The following ZNF343 variants were observed in gnomAD, a reference collection of about 807,000 sequenced individuals.
The protein encoded by ZNF343 is zinc finger protein 343.
A neutral mutation model predicts 13.8 loss-of-function variants in ZNF343; 11 were observed. The observed-to-expected ratio is 0.80, with a 90% confidence interval of 0.50 to 1.32. ZNF343 has a LOEUF of 1.32. Among genes scored for constraint, ZNF343 ranks in the 40% most tolerant of loss-of-function variants. ZNF343 has a pLI of 0.00. For missense variants in ZNF343, 658 were observed against 714.2 expected (o/e 0.92, Z 0.90); for synonymous variants, 248 against 260.0 (o/e 0.95, Z 0.44).
In ZNF343 at chr20:2,493,568, G is replaced by A; in HGVS notation, c.128C>T (p.Ser43Phe). 1 of 1,613,358 alleles carries A rather than the reference G, an allele frequency of 6.2e-7. No individual in the cohort carries two copies. ...TTTCTGGGGGCAGTCAGTATCATTA[G>A]AAGGCAAGCCTAGGGAAAGAAAAAG... ...TQNHKAKGLP[S>F]NDTDCPQKKE... Residue 43 changes from serine (S) to phenylalanine (F), a missense_variant, in exon 4 of 6, where the codon TCT becomes TTT. Coordinates refer to ENST00000278772, the MANE Select transcript of ZNF343 (RefSeq NM_024325.6).
Position 2,484,116 on chromosome 20 carries a change from G to A in ZNF343, c.845C>T (p.Ser282Leu). ...SDCGRSFKDRSTLIRHHRIHS... is the reference protein window; with the variant it reads ...SDCGRSFKDRLTLIRHHRIHS... ...TATACGATGGTGTCTGATGAGGGTT[G>A]ATCTATCTTTAAAGCTTCGCCCACA... is the stretch of plus-strand genomic sequence containing the variant. The change falls in exon 6 of 6, where the codon TCA becomes TTA. Residue 282 changes from serine to leucine, a missense_variant. Transcript: ENST00000278772. The A allele has an allele frequency of 6.2e-7, 1 of 1,614,250 alleles. No homozygotes were observed. Among genetic ancestry groups the A allele is most frequent in the Non-Finnish European group, 8.5e-7 (1 of 1,180,048 alleles).
chr20:2,515,685 A>G (rs1461467932), intron 1 of ZNF343, among the ~76,000 whole-genome samples: 1 of 152,206 alleles, frequency 6.6e-6, no homozygotes, highest in Admixed American at 6.5e-5. Flanking sequence ...AGTAGTTCTT[A>G]CTAGTTATAT....
Position 2,492,694 on chromosome 20 carries a change from C to G in ZNF343, c.304+5G>C, listed in dbSNP as rs1481287142. On this transcript the variant is annotated splice_donor_5th_base_variant and intron_variant, in intron 5 of 5. Coordinates refer to ENST00000278772, the MANE Select transcript of ZNF343 (RefSeq NM_024325.6). ...AATGAAGGAAAGGAAAGAACACAGCCTTACCCAATGAGAGAAGATTCCTGT... is the reference window on the plus strand; with the variant it reads ...AATGAAGGAAAGGAAAGAACACAGCGTTACCCAATGAGAGAAGATTCCTGT... The G allele has an allele frequency of 1.9e-6, 3 of 1,610,794 alleles. No individual in the cohort carries two copies. The highest frequency in any genetic ancestry group is 2.5e-6 in the Non-Finnish European group (3 of 1,179,102).
chr20:2,511,698 A>T (rs759188201), upstream of ZNF343, among the ~76,000 whole-genome samples: 3 of 152,280 alleles, frequency 2.0e-5, no homozygotes, highest in Non-Finnish European at 4.4e-5. Context: ...AATTAGGAAA[A>T]TTTTGCAATG....
rs758061259 is a variant in ZNF343, at chr20:2,484,009, T to G, written c.952A>C (p.Thr318Pro). 1.5e-5 allele frequency: 24 copies of G among 1,614,040 alleles called. No homozygotes were observed. The highest frequency in any genetic ancestry group is 1.8e-5 in the Non-Finnish European group (21 of 1,180,034). ...QKSNLSRHQR[T>P]HSEEKPYLCR... ...AAATAAGGCTTCTCTTCTGAATGTG[T>G]TCTCTGGTGTCTGCTGAGGTTGGAC... Residue 318 changes from threonine to proline, a missense_variant, in exon 6 of 6, where the codon ACA (threonine) becomes CCA (proline). Coordinates refer to ENST00000278772, the MANE Select transcript of ZNF343 (RefSeq NM_024325.6).
chr20:2,490,536 G>GGTT lies in ZNF343; in HGVS notation c.304+2160_304+2162dup, dbSNP rs1555762775. On this transcript the variant is annotated intron_variant, in intron 5 of 5. Coordinates refer to ENST00000278772, the MANE Select transcript of ZNF343 (RefSeq NM_024325.6). The stretch of plus-strand genomic sequence containing the variant: ...TTGCTGTTTTATGGGTCTTTTTTTT[G>GGTT]GTTTTTGTTTTTTTTTTTGAGATGG... Among the ~76,000 whole-genome samples the GGTT allele has an allele frequency of 9.1e-4, 132 of 144,626 alleles. 3 individuals carry two copies. The highest frequency in any genetic ancestry group is 3.2e-3 in the African/African-American group (122 of 37,558). 94.9% of individuals were successfully genotyped at this position (144,626 alleles called of 152,430 possible). A position where few individuals can be genotyped will look rare whatever the true frequency, so the allele number is the denominator to read the frequency against.
chr20:2,495,491 A>C (rs538467969), intron 2 of ZNF343: 4 of 152,164 alleles, frequency 2.6e-5, no homozygotes, highest in Non-Finnish European at 5.9e-5. Flanking sequence ...TTTTGTTCTG[A>C]GAACAGCATG....
chr20:2,509,126 A>AC (rs1283635540), upstream of ZNF343: 2 of 152,210 alleles, frequency 1.3e-5, no homozygotes, highest in African/African-American at 4.8e-5. Flanking sequence ...TGCAAAAAAA[A>AC]GACTACACTC....
chr20:2,521,862 A>C (rs1417525425), intron 1 of ZNF343, among the ~76,000 whole-genome samples: 1 of 152,222 alleles, frequency 6.6e-6, no homozygotes, highest in Admixed American at 6.5e-5. Flanking sequence ...ATTTCTCAAA[A>C]GCGGCCTTTA....
chr20:2,522,815 G>A (rs2085788221), intron 1 of ZNF343, among the ~76,000 whole-genome samples: 1 of 152,224 alleles, frequency 6.6e-6, no homozygotes, highest in Admixed American at 6.5e-5. Context: ...GCCAGGTGTA[G>A]TAGCTTGTGC....
At chr20:2,522,196 C>T (rs2085785435) in intron 1 of ZNF343, among the ~76,000 whole-genome samples, 1 of 152,140 alleles carries the variant, frequency 6.6e-6, no homozygotes, top group South Asian at 2.1e-4. Flanking sequence ...ACCTAAAATG[C>T]TTAGTACTGA....
In ZNF343 at chr20:2,514,556, G is replaced by A. The variant is rs981352472; in HGVS notation, c.-347+9899C>T. Among the ~76,000 whole-genome samples the A allele has an allele frequency of 2.8e-4, 42 of 152,124 alleles. 1 individual carries two copies. The highest frequency in any genetic ancestry group is 1.9e-4 in the East Asian group (1 of 5,198). ...ATACATGTTCTCAAAGAACCTTCTC[G>A]TTGCTAGTCAAATCAAAGTAAGATG... On this transcript the variant is annotated intron_variant, in intron 1 of 6. Coordinates refer to the ZNF343 transcript ENST00000358413.
At chr20:2,510,493 C>T (rs1368537018), upstream of ZNF343, among the ~76,000 whole-genome samples, 1 of 152,242 alleles carries the variant, frequency 6.6e-6, no homozygotes, top group Non-Finnish European at 1.5e-5. Context: ...TTTTCACCTT[C>T]CCAATATCAG....
At chr20:2,523,137 A>G (rs774843561) in intron 1 of ZNF343, among the ~76,000 whole-genome samples, 8 of 152,214 alleles carry the variant, frequency 5.3e-5, no homozygotes, top group Non-Finnish European at 1.2e-4. Context: ...TGATACACTA[A>G]TTATAATTCA....
chr20:2,523,311 G>A (rs2085790226), intron 1 of ZNF343, among the ~76,000 whole-genome samples: 1 of 152,104 alleles, frequency 6.6e-6, no homozygotes, highest in Non-Finnish European at 1.5e-5. Context: ...ACCTTGTTTA[G>A]CATACAATCA....
chr20:2,509,881 G>C (rs1467974814), upstream of ZNF343, among the ~76,000 whole-genome samples: 2 of 152,114 alleles, frequency 1.3e-5, no homozygotes, highest in East Asian at 3.9e-4. Context: ...ATTTCCATGA[G>C]AAATCTATGT....
intron 1 of ZNF343, among the ~76,000 whole-genome samples, chr20:2,504,856 G>A (rs1432067811): frequency 6.6e-6 from 1 of 152,108 alleles, no homozygotes; most frequent in Non-Finnish European, 1.5e-5. Flanking sequence ...TACTGAATGG[G>A]CAAAAACTGG....
chr20:2,517,450 G>C lies in ZNF343; in HGVS notation c.-347+7005C>G, dbSNP rs139062216. Reference sequence around the variant, plus strand: ...ATATACCAGGAGAGCCGATGGTGCAGTTCCAGTCCAAAGGGGCAGCCTGCT... The same window carrying C: ...ATATACCAGGAGAGCCGATGGTGCACTTCCAGTCCAAAGGGGCAGCCTGCT... On this transcript the variant is annotated intron_variant, in intron 1 of 6. Transcript: ENST00000358413. Among the ~76,000 whole-genome samples, 1,162 of 151,152 alleles carry C rather than the reference G, an allele frequency of 7.7e-3. 13 individuals carry two copies. The highest frequency in any genetic ancestry group is 0.027 in the African/African-American group (1,098 of 41,154).
At chr20:2,517,493 CT>C (rs1203026769) in intron 1 of ZNF343, among the ~76,000 whole-genome samples, 86 of 143,722 alleles carry the variant, frequency 6.0e-4, no homozygotes, top group Middle Eastern at 3.6e-3. Context: ...TCCCTCTGGT[CT>C]TTTTTTTTTT....
Sources: allele counts gnomAD v4.1 joint callset (sites outside exome capture counted in the v4.1 genomes callset), GRCh38; gene constraint gnomAD v4.1.1; transcripts MANE v1.5; gene names NCBI Gene and HGNC (gene_info 2026-07-23, HGNC 2026-07-21).